The following EIF2AK4 variants were observed in gnomAD, a reference collection of about 807,000 sequenced individuals.
EIF2AK4 encodes eIF-2-alpha kinase GCN2.
Under a neutral mutation model 211.1 loss-of-function variants are expected in EIF2AK4, and 139 were observed. The observed-to-expected ratio is 0.66, with a 90% confidence interval of 0.57 to 0.76. The LOEUF is 0.76. Ranked by LOEUF, EIF2AK4 falls within the 30% of genes least tolerant of loss-of-function variation. EIF2AK4 has a pLI of 0.00. For missense variants in EIF2AK4, 1,664 were observed against 2,043.8 expected (o/e 0.81, Z 3.58); for synonymous variants, 710 against 751.3 (o/e 0.94, Z 0.90).
chr15:39,978,036 A>AGGGATTTCTGTTCCTTT, intron 12 of EIF2AK4, 42 bp from the exon 13 acceptor site: 2 of 1,396,298 alleles, frequency 1.4e-6, no homozygotes, highest in Non-Finnish European at 2.0e-6. Flanking sequence ...TAATGATAAT[A>AGGGATTTCTGTTCCTTT]GGGATTTCTG....
chr15:39,956,002 C>A (rs2034386321), intron 6 of EIF2AK4, among the ~76,000 whole-genome samples: 1 of 130,148 alleles, frequency 7.7e-6, no homozygotes, highest in East Asian at 2.8e-4. Context: ...GTTGCTCATT[C>A]CCTTTTTTTT....
rs755675005 is a variant in EIF2AK4 at position 40,001,178 on chromosome 15, G to A, written c.3113G>A (p.Arg1038His). Reference sequence around the variant, plus strand: ...ATGATGGCCCAGATCTTCTCGCAGCGCATCTCCCCTGCCATCGATTACACC... The same window carrying A: ...ATGATGGCCCAGATCTTCTCGCAGCACATCTCCCCTGCCATCGATTACACC... ...RTMMAQIFSQ[R>H]ISPAIDYTYD... The change falls in exon 21 of 39, where the codon CGC becomes CAC. Residue 1038 changes from arginine to histidine, a missense_variant. Arg to His is a conservative substitution (Grantham distance 29, BLOSUM62 0). Coordinates refer to ENST00000263791, the MANE Select transcript of EIF2AK4 (RefSeq NM_001013703.4). 20 of 1,613,762 alleles carry A rather than the reference G, an allele frequency of 1.2e-5. No homozygotes were observed. Among genetic ancestry groups the A allele is most frequent in the African/African-American group, 6.7e-5 (5 of 74,884 alleles).
chr15:40,002,841 C>A, intron 22 of EIF2AK4, 53 bp downstream of exon 22: 1 of 1,579,412 alleles, frequency 6.3e-7, no homozygotes, highest in South Asian at 1.1e-5. Context: ...CTTTTTTCAT[C>A]ATTAGAAAGT....
At chr15:40,031,681 G>A (rs940778645) in intron 35 of EIF2AK4, among the ~76,000 whole-genome samples, 3 of 151,872 alleles carry the variant, frequency 2.0e-5, no homozygotes, top group African/African-American at 7.3e-5. Flanking sequence ...CATTTCCCCT[G>A]AGATCATATT....
intron 6 of EIF2AK4, among the ~76,000 whole-genome samples, chr15:39,959,384 T>C (rs539617311): frequency 6.6e-6 from 1 of 152,354 alleles, no homozygotes; most frequent in East Asian, 1.9e-4. Flanking sequence ...TGTCTCTTTA[T>C]TCCTTCTTTT....
chr15:39,934,855 G>A (rs1245671620), intron 1 of EIF2AK4, among the ~76,000 whole-genome samples: 5 of 152,088 alleles, frequency 3.3e-5, no homozygotes, highest in African/African-American at 1.2e-4. Context: ...TGTGTTTTCC[G>A]GTATGGAGGA....
chr15:40,010,339 A>G (rs2035218357), intron 26 of EIF2AK4, among the ~76,000 whole-genome samples: 1 of 152,216 alleles, frequency 6.6e-6, no homozygotes, highest in African/African-American at 2.4e-5. Context: ...TTAAGGCAGA[A>G]TGGCTTCGAA....
intron 12 of EIF2AK4, chr15:39,977,412 G>A (rs1485641644): frequency 1.3e-5 from 2 of 152,234 alleles, no homozygotes; most frequent in Non-Finnish European, 2.9e-5. Context: ...AATCTAATGC[G>A]GCTGCTGATC....
At chr15:40,023,827 TTAG>T (rs1567009101) in intron 32 of EIF2AK4, among the ~76,000 whole-genome samples, 1 of 152,248 alleles carries the variant, frequency 6.6e-6, no homozygotes, top group South Asian at 2.1e-4. Flanking sequence ...TATTTTGGAT[TTAG>T]TTTATTCTTT....
intron 32 of EIF2AK4, among the ~76,000 whole-genome samples, chr15:40,024,092 A>G (rs1024672880): frequency 2.0e-5 from 3 of 152,146 alleles, no homozygotes; most frequent in Non-Finnish European, 4.4e-5. Flanking sequence ...AGGATTTTAT[A>G]TCTTCTTGAT....
chr15:39,939,049 C>T (rs1013683855), intron 1 of EIF2AK4, among the ~76,000 whole-genome samples: 2 of 152,152 alleles, frequency 1.3e-5, no homozygotes, highest in Admixed American at 1.3e-4. Flanking sequence ...TCGCAGAGTC[C>T]TTCACTGACC....
Position 39,992,272 on chromosome 15 carries a change from C to T in EIF2AK4, c.2686+43C>T. On this transcript the variant is annotated intron_variant, in intron 17 of 38. Coordinates refer to ENST00000263791, the MANE Select transcript of EIF2AK4 (RefSeq NM_001013703.4). ...TATATTTCATCCATGTGTTAAAGACCCCAGAATTTCTTAACCTGAAACCTG... is the reference window on the plus strand; with the variant it reads ...TATATTTCATCCATGTGTTAAAGACTCCAGAATTTCTTAACCTGAAACCTG... 4 of 1,505,598 alleles carry T rather than the reference C, an allele frequency of 2.7e-6. No homozygotes were observed. The South Asian group carries it at 4.0e-5, about 15-fold the overall frequency. 93.3% of individuals were successfully genotyped at this position (1,505,598 alleles called of 1,614,324 possible).
chr15:39,936,295 T>A (rs964599072), intron 1 of EIF2AK4, among the ~76,000 whole-genome samples: 2 of 152,202 alleles, frequency 1.3e-5, no homozygotes, highest in Non-Finnish European at 2.9e-5. Flanking sequence ...AACACATTCA[T>A]AGGACTGGCA....
intron 18 of EIF2AK4, among the ~76,000 whole-genome samples, chr15:39,993,152 C>G (rs1449616051): frequency 6.7e-6 from 1 of 150,154 alleles, no homozygotes; most frequent in Non-Finnish European, 1.5e-5. Flanking sequence ...ATCCACCTGT[C>G]CATCCACCCG....
chr15:40,025,856 T>C (rs2035459445), intron 32 of EIF2AK4, 121 bp from the exon 33 acceptor site: 5 of 917,236 alleles, frequency 5.5e-6, no homozygotes, highest in African/African-American at 1.7e-5. Context: ...GGGAGCAAAA[T>C]TGACCCTGGT....
At chr15:39,948,057 CTGA>C (rs2034253975) in intron 3 of EIF2AK4, among the ~76,000 whole-genome samples, 2 of 152,200 alleles carry the variant, frequency 1.3e-5, no homozygotes, top group Non-Finnish European at 2.9e-5. Flanking sequence ...ACTAGTGTTT[CTGA>C]CTGTAAAGTG....
intron 27 of EIF2AK4, among the ~76,000 whole-genome samples, chr15:40,015,156 G>T (rs1483525700): frequency 1.3e-5 from 2 of 152,116 alleles, no homozygotes; most frequent in Non-Finnish European, 2.9e-5. Flanking sequence ...CTTCTTCTGA[G>T]CCCTCCAAAC....
At chr15:39,967,977 G>C (rs1000636165) in intron 9 of EIF2AK4, 98 bp downstream of exon 9, 3 of 1,248,414 alleles carry the variant, frequency 2.4e-6, no homozygotes, top group African/African-American at 1.5e-5. Flanking sequence ...AAGCTGAGAA[G>C]TGAGGAACAG....
At chr15:39,998,892 G>T in intron 20 of EIF2AK4, 108 bp downstream of exon 20, 1 of 870,082 alleles carries the variant, frequency 1.1e-6, no homozygotes. Context: ...TTGTGTCCTG[G>T]GAACAACGTG....
Sources: allele counts gnomAD v4.1 joint callset (sites outside exome capture counted in the v4.1 genomes callset), GRCh38; gene constraint gnomAD v4.1.1; transcripts MANE v1.5; gene names NCBI Gene and HGNC (gene_info 2026-07-23, HGNC 2026-07-21).